The following HTR4 variants were observed in gnomAD, a reference collection of about 807,000 sequenced individuals.
HTR4 encodes the protein 5-hydroxytryptamine receptor 4, also known as 5-hydroxytryptamine (serotonin) receptor 4, G protein-coupled.
Under a neutral mutation model 36.8 loss-of-function variants are expected in HTR4, and 16 were observed. The ratio of observed to expected loss-of-function variants is 0.43; its 90% CI spans 0.29 to 0.66. The LOEUF (loss-of-function observed/expected upper bound fraction) is 0.66, where lower values mean the gene tolerates loss of function less well. Ranked by LOEUF, HTR4 falls within the 30% of genes least tolerant of loss-of-function variation. The pLI, the probability that HTR4 is intolerant of heterozygous loss-of-function variation, is 0.13. For missense variants in HTR4, 438 were observed against 490.9 expected (o/e 0.89, Z 1.02); for synonymous variants, 189 against 185.1 (o/e 1.02, Z -0.17).
chr5:148,604,558 A>G (rs1233791829), intron 2 of HTR4, among the ~76,000 whole-genome samples: 2 of 152,224 alleles, frequency 1.3e-5, no homozygotes, highest in East Asian at 1.9e-4. Flanking sequence ...AAGCAAAAAA[A>G]CTTGTATAGC....
rs1268223800 is a variant in HTR4, at chr5:148,538,373, A to T, written c.353+10295T>A. On this transcript the variant is annotated intron_variant, in intron 4 of 6. Transcript: ENST00000377888. Reference sequence around the variant, plus strand: ...TAATAGTATTGGAAGTCCTAGCCAGAGCAATCAGGCAAGAGAAAGAAATAA... The same window carrying T: ...TAATAGTATTGGAAGTCCTAGCCAGTGCAATCAGGCAAGAGAAAGAAATAA... Among the ~76,000 whole-genome samples the T allele has an allele frequency of 2.0e-5, 3 of 152,168 alleles. No individual in the cohort carries two copies. In the East Asian group the frequency reaches 5.8e-4, roughly 29 times the overall value.
At chr5:148,517,557 A>T (rs1367621184) in intron 5 of HTR4, among the ~76,000 whole-genome samples, 1 of 151,928 alleles carries the variant, frequency 6.6e-6, no homozygotes, top group Non-Finnish European at 1.5e-5. Flanking sequence ...TACTCACTCT[A>T]ATCTTCTAGT....
rs1220900698 is a variant in HTR4, at chr5:148,624,215, C to G, written c.26+12774G>C. 3.9e-5 allele frequency among the ~76,000 whole-genome samples: 6 copies of G among 152,318 alleles called. No individual in the cohort carries two copies. The East Asian group carries it at 1.2e-3, about 29-fold the overall frequency. ...GGAATTGGTGTAATAATACCAGTAT[C>G]TGTAAATTCTACAAATAGCTGTAAT... On this transcript the variant is annotated intron_variant, in intron 2 of 6. Transcript: ENST00000377888.
chr5:148,470,771 A>T (rs1002598609), intron 5 of HTR4, among the ~76,000 whole-genome samples: 4 of 152,076 alleles, frequency 2.6e-5, no homozygotes, highest in Non-Finnish European at 5.9e-5. Flanking sequence ...TCACTGCAAC[A>T]TCCACCTCCC....
At chr5:148,581,080 G>T (rs1761115261) in intron 2 of HTR4, among the ~76,000 whole-genome samples, 1 of 151,312 alleles carries the variant, frequency 6.6e-6, no homozygotes, top group Admixed American at 6.6e-5. Flanking sequence ...CAATGTTTTT[G>T]ATTTGCATTG....
intron 1 of HTR4, among the ~76,000 whole-genome samples, chr5:148,643,590 T>C (rs1178501894): frequency 6.6e-6 from 1 of 152,218 alleles, no homozygotes; most frequent in Non-Finnish European, 1.5e-5. Context: ...TTTCACTTGA[T>C]ATTTGACCAC....
chr5:148,455,668 TC>T, intron 5 of HTR4, among the ~76,000 whole-genome samples: 1 of 152,230 alleles, frequency 6.6e-6, no homozygotes, highest in East Asian at 1.9e-4. Context: ...GGGTTGCTGA[TC>T]CCCTGTGCAG....
At chr5:148,458,835 G>C (rs1285289954) in intron 5 of HTR4, among the ~76,000 whole-genome samples, 1 of 152,178 alleles carries the variant, frequency 6.6e-6, no homozygotes, top group Non-Finnish European at 1.5e-5. Flanking sequence ...ATGAGCAGGG[G>C]AGGTTCCTGA....
rs573671253 is a variant in HTR4 at position 148,568,274 on chromosome 5, G to A, written c.27-18012C>T. Among the ~76,000 whole-genome samples the A allele has an allele frequency of 7.9e-5, 12 of 151,886 alleles. No homozygotes were observed. In the South Asian group the frequency reaches 2.1e-3, roughly 26 times the overall value. On this transcript the variant is annotated intron_variant, in intron 2 of 6. Coordinates refer to ENST00000377888, the MANE Select transcript of HTR4 (RefSeq NM_000870.7). Reference sequence around the variant, plus strand: ...TTGGCCACACTAATCCCCATTTTTTGTTCTTACATAAGCATTGCAATTTTC... The same window carrying A: ...TTGGCCACACTAATCCCCATTTTTTATTCTTACATAAGCATTGCAATTTTC...
chr5:148,478,957 A>C (rs1023527651), downstream of HTR4, among the ~76,000 whole-genome samples: 3 of 152,060 alleles, frequency 2.0e-5, no homozygotes, highest in Non-Finnish European at 2.9e-5. Context: ...CTGGGCCTAA[A>C]GGAGATGAAC....
intron 1 of HTR4, among the ~76,000 whole-genome samples, chr5:148,638,483 T>C: frequency 6.6e-6 from 1 of 152,176 alleles, no homozygotes; most frequent in East Asian, 1.9e-4. Flanking sequence ...GAAAATACAG[T>C]ACAATTACAA....
chr5:148,498,596 A>C (rs1209226642), intron 6 of HTR4, among the ~76,000 whole-genome samples: 1 of 152,198 alleles, frequency 6.6e-6, no homozygotes, highest in Non-Finnish European at 1.5e-5. Context: ...ACAGGAATTA[A>C]ATAAGGAATT....
intron 2 of HTR4, among the ~76,000 whole-genome samples, chr5:148,589,945 GTATT>G (rs1456145062): frequency 6.6e-6 from 1 of 152,014 alleles, no homozygotes; most frequent in Non-Finnish European, 1.5e-5. Flanking sequence ...AACTCCAGAA[GTATT>G]TATTTATCCT....
chr5:148,586,160 C>A (rs1273263422), intron 2 of HTR4, among the ~76,000 whole-genome samples: 1 of 152,078 alleles, frequency 6.6e-6, no homozygotes, highest in Non-Finnish European at 1.5e-5. Flanking sequence ...ACCTTATCTG[C>A]CTTGCTCACT....
intron 2 of HTR4, among the ~76,000 whole-genome samples, chr5:148,612,024 A>G (rs1752455149): frequency 6.6e-6 from 1 of 152,192 alleles, no homozygotes; most frequent in South Asian, 2.1e-4. Flanking sequence ...CCAGATTCAT[A>G]AAGCAAGTCC....
At chr5:148,456,041 G>A (rs953647355) in intron 5 of HTR4, among the ~76,000 whole-genome samples, 2 of 152,040 alleles carry the variant, frequency 1.3e-5, no homozygotes, top group South Asian at 2.1e-4. Context: ...AGGCTCAACT[G>A]TACAACATTT....
At chr5:148,464,002 A>T (rs1481379623) in intron 5 of HTR4, among the ~76,000 whole-genome samples, 2 of 150,280 alleles carry the variant, frequency 1.3e-5, no homozygotes, top group Non-Finnish European at 3.0e-5. Context: ...TCTTGTCAAC[A>T]CATAGTGGTA....
chr5:148,513,041 A>T (rs776163069), intron 5 of HTR4, among the ~76,000 whole-genome samples: 13 of 150,912 alleles, frequency 8.6e-5, no homozygotes, highest in Non-Finnish European at 1.5e-4. Context: ...TCTGTCACCC[A>T]GGCTGGAGTG....
At chr5:148,635,895 T>G (rs186890000) in intron 2 of HTR4, among the ~76,000 whole-genome samples, 1 of 152,148 alleles carries the variant, frequency 6.6e-6, no homozygotes, top group African/African-American at 2.4e-5. Flanking sequence ...AATAACAAAG[T>G]CCACACACTT....
Sources: allele counts gnomAD v4.1 joint callset (sites outside exome capture counted in the v4.1 genomes callset), GRCh38; gene constraint gnomAD v4.1.1; transcripts MANE v1.5; gene names NCBI Gene and HGNC (gene_info 2026-07-23, HGNC 2026-07-21).